The following IBTK variants were observed in gnomAD, a reference collection of about 807,000 sequenced individuals.
IBTK encodes inhibitor of Bruton tyrosine kinase.
A neutral mutation model predicts 154.9 loss-of-function variants in IBTK; 83 were observed. That is an observed-to-expected ratio of 0.54 (90% CI 0.45 to 0.64). IBTK has a LOEUF of 0.64. Ranked by LOEUF, IBTK falls within the 30% of genes least tolerant of loss-of-function variation. The pLI is 0.00. For synonymous variants in IBTK, 515 were observed against 536.1 expected, an observed-to-expected ratio of 0.96 and a Z score of 0.54; for missense variants, 1,332 against 1,584.6, an observed-to-expected ratio of 0.84 and a Z score of 2.71.
Position 82,202,266 on chromosome 6 carries a change from T to C in IBTK, c.2729+262A>G, listed in dbSNP as rs562962413. Among the ~76,000 whole-genome samples, 24 of 152,322 alleles carry C rather than the reference T, an allele frequency of 1.6e-4. 1 individual carries two copies. The East Asian group carries it at 2.1e-3, about 13-fold the overall frequency. On this transcript the variant is annotated intron_variant, in intron 18 of 28. Coordinates refer to ENST00000306270, the MANE Select transcript of IBTK (RefSeq NM_015525.4). ...TCTCATATTGTCACCAATGACTTTA[T>C]AGGAAGTAAAATATTTTGACCTTAT...
intron 1 of IBTK, among the ~76,000 whole-genome samples, chr6:82,244,910 T>A (rs1461419201): frequency 1.3e-5 from 2 of 152,044 alleles, no homozygotes; most frequent in African/African-American, 2.4e-5. Context: ...TACACTGTCT[T>A]CTTCAGCGCA....
intron 26 of IBTK, among the ~76,000 whole-genome samples, chr6:82,175,282 T>C (rs931248636): frequency 1.2e-4 from 19 of 152,192 alleles, no homozygotes; most frequent in African/African-American, 4.6e-4. Flanking sequence ...CTTAGAGATA[T>C]AAGTACTGAA....
chr6:82,195,659 C>A (rs1317839336), intron 22 of IBTK, among the ~76,000 whole-genome samples: 1 of 152,034 alleles, frequency 6.6e-6, no homozygotes, highest in Non-Finnish European at 1.5e-5. Flanking sequence ...CTTATGAATT[C>A]CTAGAAGTTC....
chr6:82,183,296 G>A (rs1344722773), intron 25 of IBTK, among the ~76,000 whole-genome samples: 2 of 152,100 alleles, frequency 1.3e-5, no homozygotes, highest in African/African-American at 4.8e-5. Context: ...TGTAATCCCA[G>A]CTACTCAGGA....
At position 82,234,253 on chromosome 6, in the gene IBTK, A is replaced by G. The variant is rs115088772; in HGVS notation, c.324T>C (p.His108=). 4,215 of 1,455,036 alleles carry G rather than the reference A, an allele frequency of 2.9e-3. 56 individuals carry two copies. In the African/African-American group the frequency reaches 0.038, roughly 13 times the overall value. 90.1% of individuals were successfully genotyped at this position (1,455,036 alleles called of 1,614,324 possible). A position where few individuals can be genotyped will look rare whatever the true frequency, so the allele number is the denominator to read the frequency against. Residue 108 remains histidine, a splice_region_variant and synonymous_variant, in exon 3 of 29, where the codon CAT becomes CAC. Coordinates refer to ENST00000306270, the MANE Select transcript of IBTK (RefSeq NM_015525.4). ...TATCTTGAATATACAGACTAACACC[A>G]TGCTAAAACAAACAAACAAACAAAT... ...HIDCVWSLLK[H]GVSLYIQDKE...
chr6:82,227,619 T>G (rs573216314), intron 4 of IBTK, among the ~76,000 whole-genome samples: 1 of 152,126 alleles, frequency 6.6e-6, no homozygotes, highest in South Asian at 2.1e-4. Flanking sequence ...AGTAGCCAGT[T>G]GTTTTCCAGT....
intron 25 of IBTK, among the ~76,000 whole-genome samples, chr6:82,185,507 T>C (rs562721069): frequency 1.3e-5 from 2 of 151,532 alleles, no homozygotes; most frequent in Non-Finnish European, 2.9e-5. Flanking sequence ...TGAGCCAAGA[T>C]TGCACCACTG....
intron 16 of IBTK, 110 bp from the exon 17 acceptor site, chr6:82,205,068 AT>A: frequency 6.3e-6 from 3 of 478,140 alleles, no homozygotes; most frequent in Middle Eastern, 4.7e-4. Flanking sequence ...TAAAAAAAAA[AT>A]TTGAAGTAAT....
At chr6:82,192,831 G>C (rs1390192561) in intron 23 of IBTK, among the ~76,000 whole-genome samples, 3 of 151,866 alleles carry the variant, frequency 2.0e-5, no homozygotes, top group Non-Finnish European at 2.9e-5. Context: ...CAGGCACAGT[G>C]GCTCACACCT....
At chr6:82,212,151 T>C (rs1168118099) in intron 13 of IBTK, among the ~76,000 whole-genome samples, 8 of 152,112 alleles carry the variant, frequency 5.3e-5, no homozygotes, top group Non-Finnish European at 1.0e-4. Context: ...CCCGCCACTA[T>C]GCCCGGCTAA....
chr6:82,179,981 A>G (rs1768257507), intron 26 of IBTK, among the ~76,000 whole-genome samples: 1 of 152,260 alleles, frequency 6.6e-6, no homozygotes, highest in South Asian at 2.1e-4. Flanking sequence ...CTATGACAAA[A>G]CAAGAAAGGA....
intron 4 of IBTK, among the ~76,000 whole-genome samples, chr6:82,228,685 C>G (rs487204): frequency 2.6e-5 from 4 of 151,282 alleles, no homozygotes; most frequent in African/African-American, 7.3e-5. Context: ...GCAGTGGCGC[C>G]ATCTCGGTTC....
intron 12 of IBTK, 125 bp from the exon 13 acceptor site, chr6:82,212,918 A>T: frequency 1.7e-6 from 1 of 600,018 alleles, no homozygotes; most frequent in Non-Finnish European, 2.9e-6. Context: ...ATCTCAACAA[A>T]CTCCTACTCT....
At chr6:82,207,376 G>A (rs189475127) in intron 16 of IBTK, among the ~76,000 whole-genome samples, 5 of 152,092 alleles carry the variant, frequency 3.3e-5, no homozygotes, top group Admixed American at 3.3e-4. Flanking sequence ...CTAAGAAAGA[G>A]CAAGGCTTGT....
intron 2 of IBTK, among the ~76,000 whole-genome samples, chr6:82,236,603 C>A (rs964704855): frequency 6.6e-6 from 1 of 152,120 alleles, no homozygotes; most frequent in Non-Finnish European, 1.5e-5. Flanking sequence ...TTGTAGGCAA[C>A]AAGTTTCTGC....
intron 4 of IBTK, among the ~76,000 whole-genome samples, chr6:82,230,572 C>T (rs1770467239): frequency 2.0e-5 from 3 of 152,068 alleles, no homozygotes; most frequent in Non-Finnish European, 4.4e-5. Flanking sequence ...CAGAAAAGAA[C>T]TAAATAGACA....
In IBTK at chr6:82,214,678, G is replaced by T. The variant is rs1769800174; in HGVS notation, c.1753C>A (p.His585Asn). Reference sequence around the variant, plus strand: ...AACAATTTCTGAAAAAAATCAGAATGCACTGCCAAAATATATTTATGTGCA... The same window carrying T: ...AACAATTTCTGAAAAAAATCAGAATTCACTGCCAAAATATATTTATGTGCA... ...FPAHKYILAV[H>N]SDFFQKLFLS... The change falls in exon 12 of 29, where the codon CAT (histidine) becomes AAT (asparagine). Residue 585 changes from histidine (H) to asparagine (N), a missense_variant. Transcript: ENST00000306270. The T allele has an allele frequency of 3.1e-6, 5 of 1,614,000 alleles. No homozygotes were observed. The South Asian group carries it at 5.5e-5, about 18-fold the overall frequency.
rs1050821615 is a variant in IBTK at position 82,173,362 on chromosome 6, C to T, written c.3797+5G>A. On this transcript the variant is annotated splice_donor_5th_base_variant and intron_variant, in intron 27 of 28. Transcript: ENST00000306270. ...GGAGGCCCATAACTTATCAATTAAC[C>T]TTACTTGGGACTGTCTAGAAGTGGT... 3.7e-6 allele frequency: 6 copies of T among 1,607,438 alleles called. No homozygotes were observed. The highest frequency in any genetic ancestry group is 5.1e-6 in the Non-Finnish European group (6 of 1,174,592).
chr6:82,174,302 C>T (rs1387802116), intron 26 of IBTK, among the ~76,000 whole-genome samples: 4 of 152,136 alleles, frequency 2.6e-5, no homozygotes, highest in African/African-American at 9.6e-5. Context: ...CAATCTTCTC[C>T]CCTCAAAAAA....
Sources: allele counts gnomAD v4.1 joint callset (sites outside exome capture counted in the v4.1 genomes callset), GRCh38; gene constraint gnomAD v4.1.1; transcripts MANE v1.5; gene names NCBI Gene and HGNC (gene_info 2026-07-23, HGNC 2026-07-21).